Variants in FAM110B observed in about 807,000 individuals in gnomAD.
The protein encoded by FAM110B is protein FAM110B.
In FAM110B, 6 loss-of-function variants were observed where a neutral mutation model predicts 20.4. The ratio of observed to expected loss-of-function variants is 0.29; its 90% CI spans 0.16 to 0.58. The LOEUF is 0.58. Among genes scored for constraint, FAM110B ranks in the 20% least tolerant of loss-of-function variants. The pLI is 0.90. For synonymous variants in FAM110B, 226 were observed against 214.1 expected, an observed-to-expected ratio of 1.06 and a Z score of -0.49; for missense variants, 434 against 498.2, an observed-to-expected ratio of 0.87 and a Z score of 1.23.
At chr8:58,033,972 G>C (rs1387083316) in intron 2 of FAM110B, among the ~76,000 whole-genome samples, 1 of 151,930 alleles carries the variant, frequency 6.6e-6, no homozygotes, top group Non-Finnish European at 1.5e-5. Context: ...CGCGCCCTTG[G>C]AATTGAGCCC....
At chr8:58,031,761 T>C in intron 2 of FAM110B, 58 bp downstream of exon 2, 1 of 152,210 alleles carries the variant, frequency 6.6e-6, no homozygotes. Context: ...ATAAAGTAAA[T>C]TTGATCCTTT....
intron 2 of FAM110B, among the ~76,000 whole-genome samples, chr8:58,050,610 A>C (rs1440752997): frequency 1.3e-5 from 2 of 152,202 alleles, no homozygotes; most frequent in East Asian, 3.9e-4. Flanking sequence ...CCTTCTCAGG[A>C]ACATTGCAGC....
At chr8:58,080,940 A>T (rs1806174133) in intron 3 of FAM110B, among the ~76,000 whole-genome samples, 1 of 152,134 alleles carries the variant, frequency 6.6e-6, no homozygotes, top group African/African-American at 2.4e-5. Flanking sequence ...CAAGCTCCAC[A>T]TCATCCTTGG....
At chr8:58,139,822 C>T (rs567010184) in intron 3 of FAM110B, among the ~76,000 whole-genome samples, 1 of 152,034 alleles carries the variant, frequency 6.6e-6, no homozygotes, top group African/African-American at 2.4e-5. Flanking sequence ...CCCAGCTACT[C>T]GGAAGGCTGA....
intron 2 of FAM110B, among the ~76,000 whole-genome samples, chr8:58,071,426 T>TGTCACCAG (rs1805894210): frequency 6.6e-6 from 1 of 152,238 alleles, no homozygotes; most frequent in African/African-American, 2.4e-5. Flanking sequence ...ACGCGTCTGC[T>TGTCACCAG]GTCACCAGAG....
At chr8:58,011,258 A>G (rs931506368) in intron 1 of FAM110B, among the ~76,000 whole-genome samples, 1 of 152,164 alleles carries the variant, frequency 6.6e-6, no homozygotes, top group Admixed American at 6.5e-5. Context: ...GCAAATTTCT[A>G]AATTCCTATG....
At chr8:58,007,375 C>T (rs566061816) in intron 1 of FAM110B, among the ~76,000 whole-genome samples, 6 of 152,234 alleles carry the variant, frequency 3.9e-5, no homozygotes, top group South Asian at 2.1e-4. Flanking sequence ...CTACCAGACG[C>T]GGGTGATGCA....
At chr8:58,116,029 T>C (rs1183828716) in intron 3 of FAM110B, among the ~76,000 whole-genome samples, 1 of 152,140 alleles carries the variant, frequency 6.6e-6, no homozygotes, top group Non-Finnish European at 1.5e-5. Context: ...TTTTAGGCCC[T>C]GGGAATGCAG....
intron 3 of FAM110B, among the ~76,000 whole-genome samples, chr8:58,097,759 A>T (rs1314550866): frequency 1.3e-5 from 2 of 151,962 alleles, no homozygotes; most frequent in African/African-American, 4.8e-5. Flanking sequence ...TGATGTTGAC[A>T]CTGTTCTTTT....
intron 3 of FAM110B, among the ~76,000 whole-genome samples, chr8:58,142,063 T>A (rs1262727781): frequency 1.3e-5 from 2 of 152,224 alleles, no homozygotes; most frequent in African/African-American, 4.8e-5. Context: ...ACTGCACCTG[T>A]GAGGAGCTGG....
chr8:58,085,719 T>G (rs1335768527), intron 3 of FAM110B, among the ~76,000 whole-genome samples: 1 of 152,168 alleles, frequency 6.6e-6, no homozygotes, highest in Non-Finnish European at 1.5e-5. Flanking sequence ...CCACCAGATA[T>G]CTATTTTCTC....
chr8:58,124,225 T>C (rs1807436042), intron 3 of FAM110B, among the ~76,000 whole-genome samples: 1 of 152,208 alleles, frequency 6.6e-6, no homozygotes. Flanking sequence ...ACTGGATTCG[T>C]TGGGTTACTC....
At chr8:58,101,436 A>T (rs2150611286) in intron 3 of FAM110B, among the ~76,000 whole-genome samples, 1 of 152,338 alleles carries the variant, frequency 6.6e-6, no homozygotes, top group East Asian at 1.9e-4. Context: ...TTTAAAGAAT[A>T]AATTAATCGT....
At chr8:58,011,057 G>A (rs1409331124) in intron 1 of FAM110B, among the ~76,000 whole-genome samples, 1 of 152,174 alleles carries the variant, frequency 6.6e-6, no homozygotes, top group Non-Finnish European at 1.5e-5. Flanking sequence ...AAGCAAAGAA[G>A]TCTACATTTT....
chr8:58,116,900 C>T (rs2150623856), intron 3 of FAM110B, among the ~76,000 whole-genome samples: 1 of 152,234 alleles, frequency 6.6e-6, no homozygotes, highest in Middle Eastern at 3.4e-3. Flanking sequence ...GAATGGTTTG[C>T]TAACTCAAAA....
At chr8:58,022,937 C>T (rs1804786471) in intron 1 of FAM110B, among the ~76,000 whole-genome samples, 1 of 152,104 alleles carries the variant, frequency 6.6e-6, no homozygotes, top group South Asian at 2.1e-4. Flanking sequence ...ACCCCAGCAG[C>T]CTGTGTGTCT....
chr8:58,078,414 A>G (rs1806091164), intron 3 of FAM110B, among the ~76,000 whole-genome samples: 1 of 152,218 alleles, frequency 6.6e-6, no homozygotes, highest in Non-Finnish European at 1.5e-5. Flanking sequence ...GCATGTAATT[A>G]CAATTTCAGG....
chr8:58,128,747 T>C (rs951701858), intron 3 of FAM110B, among the ~76,000 whole-genome samples: 2 of 152,234 alleles, frequency 1.3e-5, no homozygotes. Context: ...TTGATCATAA[T>C]GTTTGAAAAA....
intron 1 of FAM110B, among the ~76,000 whole-genome samples, chr8:58,028,191 C>T (rs1804889926): frequency 6.6e-6 from 1 of 152,204 alleles, no homozygotes; most frequent in Non-Finnish European, 1.5e-5. Context: ...GCAGCCTCCA[C>T]CTCCTGGGTT....
Sources: allele counts gnomAD v4.1 joint callset (sites outside exome capture counted in the v4.1 genomes callset), GRCh38; gene constraint gnomAD v4.1.1; transcripts MANE v1.5; gene names NCBI Gene and HGNC (gene_info 2026-07-23, HGNC 2026-07-21).